HECW1: variants seen among roughly 807,000 people sequenced by gnomAD.
The protein encoded by HECW1 is HECT, C2 and WW domain containing E3 ubiquitin protein ligase 1.
A neutral mutation model predicts 182.3 loss-of-function variants in HECW1; 61 were observed. The observed-to-expected ratio is 0.33, with a 90% CI of 0.27 to 0.41. The LOEUF (loss-of-function observed/expected upper bound fraction) is 0.41. Among genes scored for constraint, HECW1 ranks in the 10% least tolerant of loss-of-function variants. HECW1 has a pLI of 1.00. For missense variants in HECW1, 1,739 were observed against 2,108.9 expected, an observed-to-expected ratio of 0.82 and a Z score of 3.44; for synonymous variants, 859 against 832.6, an observed-to-expected ratio of 1.03 and a Z score of -0.55.
At chr7:43,242,720 C>T (rs1249047397) in intron 2 of HECW1, among the ~76,000 whole-genome samples, 1 of 152,136 alleles carries the variant, frequency 6.6e-6, no homozygotes. Context: ...CCTAGTTGGA[C>T]CTTCTCCAAG....
intron 2 of HECW1, among the ~76,000 whole-genome samples, chr7:43,195,693 A>G (rs1025127099): frequency 6.6e-6 from 1 of 152,138 alleles, no homozygotes; most frequent in Non-Finnish European, 1.5e-5. Flanking sequence ...AAAATCATGA[A>G]AGTTGGGAGA....
rs112627563 is a variant in HECW1 at position 43,506,455 on chromosome 7, A to G, written c.3632-682A>G. On this transcript the variant is annotated intron_variant, in intron 21 of 29. Coordinates refer to ENST00000395891, the MANE Select transcript of HECW1 (RefSeq NM_015052.5). ...GAGGAAGACATAAATATTTATTCTCATTAGAACTCATAAATGAATGTAGTA... is the reference window on the plus strand; with the variant it reads ...GAGGAAGACATAAATATTTATTCTCGTTAGAACTCATAAATGAATGTAGTA... Among the ~76,000 whole-genome samples, 697 of 152,320 alleles carry G rather than the reference A, an allele frequency of 4.6e-3. 3 individuals are homozygous for G. Among genetic ancestry groups the G allele is most frequent in the African/African-American group, 0.016 (657 of 41,584 alleles).
chr7:43,415,946 GT>G (rs2075979047), intron 8 of HECW1, among the ~76,000 whole-genome samples: 1 of 134,540 alleles, frequency 7.4e-6, no homozygotes, highest in Non-Finnish European at 1.6e-5. Flanking sequence ...TTTTTTCAAA[GT>G]TTTCAACTTC....
chr7:43,502,960 C>T (rs371924735), intron 21 of HECW1, among the ~76,000 whole-genome samples: 5 of 152,158 alleles, frequency 3.3e-5, no homozygotes, highest in Admixed American at 6.5e-5. Flanking sequence ...GAAGGGATGT[C>T]GCACTCAGAG....
At chr7:43,228,645 A>G (rs1013220969) in intron 2 of HECW1, among the ~76,000 whole-genome samples, 1 of 152,250 alleles carries the variant, frequency 6.6e-6, no homozygotes, top group African/African-American at 2.4e-5. Context: ...CATTCAGGCC[A>G]TAATATTTCT....
At chr7:43,180,550 C>G (rs372568404) in intron 2 of HECW1, among the ~76,000 whole-genome samples, 1 of 152,096 alleles carries the variant, frequency 6.6e-6, no homozygotes, top group African/African-American at 2.4e-5. Flanking sequence ...TGCCCGCCAC[C>G]ACGCCTGGCT....
intron 2 of HECW1, among the ~76,000 whole-genome samples, chr7:43,229,308 T>C (rs1562704682): frequency 1.3e-5 from 2 of 152,098 alleles, no homozygotes; most frequent in Admixed American, 6.6e-5. Flanking sequence ...TCTTAAACGA[T>C]AGAATTCAAA....
intron 2 of HECW1, among the ~76,000 whole-genome samples, chr7:43,167,130 G>A (rs1176059314): frequency 6.6e-6 from 1 of 152,180 alleles, no homozygotes; most frequent in African/African-American, 2.4e-5. Context: ...AGTTCTGGAA[G>A]CCAGAAGTCT....
At chr7:43,119,680 A>G (rs539987562) in intron 2 of HECW1, among the ~76,000 whole-genome samples, 2 of 141,024 alleles carry the variant, frequency 1.4e-5, no homozygotes, top group Non-Finnish European at 3.0e-5. Flanking sequence ...GCAAAATACA[A>G]CCCCCGATTT....
At chr7:43,268,832 T>G (rs1802071472) in intron 3 of HECW1, among the ~76,000 whole-genome samples, 1 of 152,162 alleles carries the variant, frequency 6.6e-6, no homozygotes, top group African/African-American at 2.4e-5. Context: ...AGTGCAGTAG[T>G]GTGATCATGG....
At chr7:43,363,401 A>G (rs1816212298) in intron 6 of HECW1, among the ~76,000 whole-genome samples, 1 of 152,190 alleles carries the variant, frequency 6.6e-6, no homozygotes, top group Non-Finnish European at 1.5e-5. Flanking sequence ...TGCTGCTCAT[A>G]CTTCAAACTC....
intron 17 of HECW1, among the ~76,000 whole-genome samples, chr7:43,480,187 A>G (rs1251900448): frequency 6.6e-6 from 1 of 152,216 alleles, no homozygotes; most frequent in African/African-American, 2.4e-5. Context: ...GGGGGAATTA[A>G]CCAGGCCACA....
At chr7:43,549,877 A>G (rs764074804) in intron 26 of HECW1, among the ~76,000 whole-genome samples, 19 of 152,216 alleles carry the variant, frequency 1.2e-4, no homozygotes, top group Non-Finnish European at 7.3e-5. Context: ...TGAGACATTC[A>G]GCTTCACCAT....
At chr7:43,347,817 A>G (rs1368088978) in intron 5 of HECW1, among the ~76,000 whole-genome samples, 1 of 152,126 alleles carries the variant, frequency 6.6e-6, no homozygotes, top group Non-Finnish European at 1.5e-5. Context: ...GTGGTATATC[A>G]CATTTATTGA....
intron 2 of HECW1, among the ~76,000 whole-genome samples, chr7:43,181,871 T>C (rs1283972841): frequency 6.6e-6 from 1 of 150,810 alleles, no homozygotes; most frequent in Admixed American, 6.6e-5. Context: ...CACTGCAAGC[T>C]CCACCTCCTG....
At chr7:43,507,770 T>C (rs2079647967) in intron 22 of HECW1, among the ~76,000 whole-genome samples, 1 of 152,204 alleles carries the variant, frequency 6.6e-6, no homozygotes, top group Non-Finnish European at 1.5e-5. Context: ...TCAAAATGAA[T>C]TATCTTAAAA....
chr7:43,217,395 T>C (rs1562688903), intron 2 of HECW1, among the ~76,000 whole-genome samples: 1 of 152,208 alleles, frequency 6.6e-6, no homozygotes, highest in Non-Finnish European at 1.5e-5. Flanking sequence ...AGAAACATGT[T>C]TCTCTCTACT....
At chr7:43,123,816 G>A (rs1785890879) in intron 2 of HECW1, among the ~76,000 whole-genome samples, 1 of 152,210 alleles carries the variant, frequency 6.6e-6, no homozygotes, top group South Asian at 2.1e-4. Flanking sequence ...TGGGCTGGGA[G>A]TGGAGGCTGG....
intron 2 of HECW1, among the ~76,000 whole-genome samples, chr7:43,128,164 G>A (rs939604006): frequency 6.6e-6 from 1 of 152,184 alleles, no homozygotes; most frequent in African/African-American, 2.4e-5. Context: ...ACAGGCGTGA[G>A]CCACCGCACC....
Sources: gnomAD v4.1 joint callset for allele counts (sites outside exome capture counted in the v4.1 genomes callset) on GRCh38, gnomAD v4.1.1 for gene constraint, MANE v1.5 for transcripts, NCBI Gene and HGNC (gene_info 2026-07-23, HGNC 2026-07-21) for gene names.